CHIC2: variants seen among roughly 807,000 people sequenced by gnomAD.
The protein encoded by CHIC2 is cysteine rich hydrophobic domain 2.
A neutral mutation model predicts 25.9 loss-of-function variants in CHIC2; 14 were observed. That is an observed-to-expected ratio of 0.54 (90% confidence interval 0.36 to 0.85). The LOEUF (loss-of-function observed/expected upper bound fraction) is 0.85, where lower values mean the gene tolerates loss of function less well. CHIC2 is among the 40% of genes least tolerant of loss of function. The pLI is 0.01. For missense variants in CHIC2, 146 were observed against 202.0 expected, an observed-to-expected ratio of 0.72 and a Z score of 1.68; for synonymous variants, 70 against 72.0, an observed-to-expected ratio of 0.97 and a Z score of 0.14.
intron 1 of CHIC2, among the ~76,000 whole-genome samples, chr4:54,063,236 C>CAG (rs1189463483): frequency 1.3e-5 from 2 of 152,108 alleles, no homozygotes; most frequent in African/African-American, 2.4e-5. Flanking sequence ...TGAAGAAGTA[C>CAG]AGAGATACCT....
chr4:54,071,916 T>C, the CHIC2 span, among the ~76,000 whole-genome samples: 1 of 152,208 alleles, frequency 6.6e-6, no homozygotes, highest in African/African-American at 2.4e-5. Flanking sequence ...AAAATGTTGT[T>C]ATAATAAATC....
intron 1 of CHIC2, among the ~76,000 whole-genome samples, chr4:54,063,637 T>C (rs149243776): frequency 6.6e-6 from 1 of 152,390 alleles, no homozygotes; most frequent in East Asian, 1.9e-4. Flanking sequence ...TGTTCAACTA[T>C]ATATTTTTAT....
chr4:54,055,119 CA>C (rs755326099), intron 1 of CHIC2, among the ~76,000 whole-genome samples: 4 of 151,928 alleles, frequency 2.6e-5, no homozygotes, highest in African/African-American at 4.8e-5. Flanking sequence ...AAGGTGGAGA[CA>C]GGGGGAAGAA....
chr4:54,014,231 T>C (rs1056157411), intron 3 of CHIC2, 112 bp from the exon 4 acceptor site: 26 of 782,776 alleles, frequency 3.3e-5, no homozygotes, highest in African/African-American at 1.9e-4. Context: ...CTGAGTATAG[T>C]GTGGTGTGCA....
intron 3 of CHIC2, among the ~76,000 whole-genome samples, chr4:54,023,650 C>T (rs938374211): frequency 1.3e-5 from 2 of 152,168 alleles, no homozygotes; most frequent in Admixed American, 6.5e-5. Flanking sequence ...CAGGCCTAAT[C>T]GCCACTCACC....
chr4:54,041,628 A>G (rs1716579712), intron 3 of CHIC2, among the ~76,000 whole-genome samples: 1 of 152,172 alleles, frequency 6.6e-6, no homozygotes, highest in African/African-American at 2.4e-5. Flanking sequence ...ATATTTATAA[A>G]CCACATTAAA....
At chr4:54,012,983 T>A (rs1441466957) in intron 5 of CHIC2, among the ~76,000 whole-genome samples, 3 of 152,104 alleles carry the variant, frequency 2.0e-5, no homozygotes, top group Non-Finnish European at 4.4e-5. Flanking sequence ...ATGATGGCTA[T>A]ATTGTTTTAA....
intron 3 of CHIC2, among the ~76,000 whole-genome samples, chr4:54,017,396 A>C (rs1464794444): frequency 6.6e-6 from 1 of 152,196 alleles, no homozygotes; most frequent in Non-Finnish European, 1.5e-5. Context: ...AGTCATCTTT[A>C]ATTTTCTTTA....
chr4:54,012,183 C>T (rs77128481), intron 5 of CHIC2, among the ~76,000 whole-genome samples: 8,416 of 151,816 alleles, frequency 0.055, 284 homozygotes, highest in Middle Eastern at 0.085. Context: ...TACTCCTAGA[C>T]GCAAGTGATC....
chr4:54,043,856 G>A (rs1246533423), intron 3 of CHIC2, among the ~76,000 whole-genome samples: 4 of 152,098 alleles, frequency 2.6e-5, no homozygotes, highest in Non-Finnish European at 5.9e-5. Flanking sequence ...GGCACAGACT[G>A]GCAAACTGGA....
chr4:54,085,972 T>A, the CHIC2 span, among the ~76,000 whole-genome samples: 1 of 152,024 alleles, frequency 6.6e-6, no homozygotes, highest in African/African-American at 2.4e-5. Flanking sequence ...AAGTCCTATC[T>A]AGCTTAAATA....
At chr4:54,053,169 T>A (rs1051221697) in intron 1 of CHIC2, among the ~76,000 whole-genome samples, 3 of 152,234 alleles carry the variant, frequency 2.0e-5, no homozygotes, top group Non-Finnish European at 2.9e-5. Context: ...AAATTCAATA[T>A]ACCATGATAT....
the CHIC2 span, among the ~76,000 whole-genome samples, chr4:54,079,346 G>T: frequency 1.3e-5 from 2 of 151,990 alleles, no homozygotes; most frequent in Non-Finnish European, 2.9e-5. Context: ...CCTTGACGTT[G>T]TTATTGGCAA....
intron 3 of CHIC2, among the ~76,000 whole-genome samples, chr4:54,037,210 G>A (rs1716415805): frequency 6.6e-6 from 1 of 151,936 alleles, no homozygotes; most frequent in South Asian, 2.1e-4. Flanking sequence ...TTAGCCAGGA[G>A]TGGTGATGCG....
At chr4:54,091,879 C>T in the CHIC2 span, among the ~76,000 whole-genome samples, 1 of 152,226 alleles carries the variant, frequency 6.6e-6, no homozygotes. Context: ...CAGACACACT[C>T]AAGGACTCCC....
At chr4:54,046,570 G>T (rs372534216) in intron 3 of CHIC2, among the ~76,000 whole-genome samples, 15 of 152,154 alleles carry the variant, frequency 9.9e-5, no homozygotes, top group Middle Eastern at 3.4e-3. Context: ...ATTTAATAAA[G>T]GGTGCTGGGA....
chr4:54,080,942 G>GTATATATATATATA, the CHIC2 span, among the ~76,000 whole-genome samples: 16 of 101,082 alleles, frequency 1.6e-4, no homozygotes, highest in Admixed American at 4.8e-4. Context: ...ATGTGTGTGT[G>GTATATATATATATA]TATATATATA....
At chr4:54,086,886 G>A in the CHIC2 span, 1 of 590,602 alleles carries the variant, frequency 1.7e-6, no homozygotes, top group Non-Finnish European at 3.1e-6. Flanking sequence ...AGGAGTTCTT[G>A]GAAAGAAGAA....
chr4:54,041,150 G>A lies in CHIC2; in HGVS notation c.330+7805C>T, dbSNP rs541262744. Among the ~76,000 whole-genome samples the A allele has an allele frequency of 2.0e-5, 3 of 151,626 alleles. No individual in the cohort carries two copies. The East Asian group carries it at 5.9e-4, about 30-fold the overall frequency. ...AGGATGGTCTCGATCTCCTGACCTC[G>A]TGAGGGGATGGATTTTGAAGGCAAG... On this transcript the variant is annotated intron_variant, in intron 3 of 5. Transcript: ENST00000263921.
Sources: allele counts gnomAD v4.1 joint callset (sites outside exome capture counted in the v4.1 genomes callset), GRCh38; gene constraint gnomAD v4.1.1; transcripts MANE v1.5; gene names NCBI Gene and HGNC (gene_info 2026-07-23, HGNC 2026-07-21).